Variants in ZNF438 observed in about 807,000 individuals in gnomAD.
ZNF438 encodes the protein zinc finger protein 438.
Under a neutral mutation model 38.0 loss-of-function variants are expected in ZNF438, and 25 were observed. The ratio of observed to expected loss-of-function variants is 0.66; its 90% CI spans 0.48 to 0.92. The LOEUF is 0.92. ZNF438 is among the 40% of genes least tolerant of loss of function. ZNF438 has a pLI of 0.00. For synonymous variants in ZNF438, 372 were observed against 364.1 expected (o/e 1.02, Z -0.25); for missense variants, 1,007 against 999.6 (o/e 1.01, Z -0.10).
intron 3 of ZNF438, among the ~76,000 whole-genome samples, chr10:30,896,295 CAAAAA>C (rs56673889): frequency 0.74 from 78,816 of 106,648 alleles, 26,781 homozygotes; most frequent in African/African-American, 0.82. Flanking sequence ...GACTCCATCT[CAAAAA>C]AAAAAAAAAA....
intron 2 of ZNF438, among the ~76,000 whole-genome samples, chr10:30,923,712 T>C (rs2044591314): frequency 6.6e-6 from 1 of 152,210 alleles, no homozygotes; most frequent in Non-Finnish European, 1.5e-5. Context: ...GCTTAACTAC[T>C]ATGGTTTTAT....
intron 2 of ZNF438, among the ~76,000 whole-genome samples, chr10:30,922,811 G>A (rs1010626976): frequency 7.9e-5 from 12 of 151,574 alleles, no homozygotes; most frequent in Non-Finnish European, 1.8e-4. Context: ...CTCCAGCCTG[G>A]GCAACAAGAG....
At chr10:31,031,604 G>A (rs1375777664) in intron 1 of ZNF438, among the ~76,000 whole-genome samples, 1 of 152,116 alleles carries the variant, frequency 6.6e-6, no homozygotes, top group African/African-American at 2.4e-5. Flanking sequence ...CCCCGCCCCA[G>A]GGGAAAAGGT....
chr10:30,855,814 C>A (rs1235644953), intron 4 of ZNF438, among the ~76,000 whole-genome samples: 1 of 152,152 alleles, frequency 6.6e-6, no homozygotes, highest in Non-Finnish European at 1.5e-5. Flanking sequence ...AAGATACACA[C>A]ACAAATATAT....
At chr10:30,897,868 A>G (rs1469207407) in intron 3 of ZNF438, among the ~76,000 whole-genome samples, 1 of 152,204 alleles carries the variant, frequency 6.6e-6, no homozygotes, top group African/African-American at 2.4e-5. Context: ...AACCGCTGAC[A>G]GAGATTGTTC....
intron 1 of ZNF438, among the ~76,000 whole-genome samples, chr10:31,018,021 A>G (rs2133225009): frequency 6.6e-6 from 1 of 152,368 alleles, no homozygotes; most frequent in East Asian, 1.9e-4. Context: ...GAGATTTTGT[A>G]TGTATAACTG....
chr10:30,884,689 G>T (rs995847516), intron 3 of ZNF438, among the ~76,000 whole-genome samples: 1 of 152,266 alleles, frequency 6.6e-6, no homozygotes, highest in African/African-American at 2.4e-5. Context: ...CCAGTTACAT[G>T]ATTACTTTTT....
rs879587377 is a variant in ZNF438, at chr10:31,000,787, A to C, written c.-192+31046T>G. ...TAGAAAAGCATGCAAAAAAAAAAAA[A>C]ACTTTTCTTGTGTTTCCTTGTTATA... is the stretch of plus-strand genomic sequence containing the variant. On this transcript the variant is annotated intron_variant, in intron 1 of 5. Transcript: ENST00000413025. Among the ~76,000 whole-genome samples, 53 of 152,122 alleles carry C rather than the reference A, an allele frequency of 3.5e-4. 1 individual carries two copies. The highest frequency in any genetic ancestry group is 2.6e-3 in the Admixed American group (40 of 15,266).
At chr10:30,848,455 C>A (rs561990153) in intron 5 of ZNF438, 76 bp downstream of exon 6, 37 of 1,505,010 alleles carry the variant, frequency 2.5e-5, no homozygotes, top group Non-Finnish European at 3.3e-5. Context: ...ACTCTCCTTT[C>A]TGAATATGAA....
intron 1 of ZNF438, among the ~76,000 whole-genome samples, chr10:30,995,607 C>T (rs756441808): frequency 6.6e-6 from 1 of 152,126 alleles, no homozygotes; most frequent in African/African-American, 2.4e-5. Context: ...TTGCAAAAGA[C>T]ACTGTAATTG....
At chr10:30,928,549 A>T (rs2045235460) in intron 2 of ZNF438, among the ~76,000 whole-genome samples, 1 of 151,028 alleles carries the variant, frequency 6.6e-6, no homozygotes, top group Non-Finnish European at 1.5e-5. Context: ...ACTTCAAATC[A>T]CAACGTTTGG....
intron 3 of ZNF438, among the ~76,000 whole-genome samples, chr10:30,899,824 A>C (rs2041779499): frequency 6.6e-6 from 1 of 152,196 alleles, no homozygotes; most frequent in South Asian, 2.1e-4. Flanking sequence ...AGTTTCAAGA[A>C]AATTTTAACC....
intron 4 of ZNF438, among the ~76,000 whole-genome samples, chr10:30,873,462 C>G (rs966045586): frequency 1.3e-5 from 2 of 152,306 alleles, no homozygotes; most frequent in African/African-American, 4.8e-5. Context: ...CTCTTCCTAG[C>G]TTTAAACCCC....
intron 1 of ZNF438, among the ~76,000 whole-genome samples, chr10:30,956,921 T>C (rs901621326): frequency 1.3e-5 from 2 of 152,172 alleles, no homozygotes; most frequent in Non-Finnish European, 2.9e-5. Flanking sequence ...AGTGAAACTG[T>C]TAGATCATAT....
At chr10:30,848,462 T>G in intron 5 of ZNF438, 69 bp downstream of exon 6, 9 of 1,520,900 alleles carry the variant, frequency 5.9e-6, no homozygotes, top group South Asian at 1.3e-5. Context: ...TTTCTGAATA[T>G]GAAATCTTCC....
chr10:30,948,232 C>G (rs4620620), intron 1 of ZNF438, among the ~76,000 whole-genome samples: 3 of 151,912 alleles, frequency 2.0e-5, no homozygotes, highest in Non-Finnish European at 4.4e-5. Flanking sequence ...AAGACATCCC[C>G]ACCAAAAACC....
intron 1 of ZNF438, among the ~76,000 whole-genome samples, chr10:30,972,162 G>T (rs1267799758): frequency 6.6e-6 from 1 of 151,964 alleles, no homozygotes; most frequent in South Asian, 2.1e-4. Context: ...GTAGATACGG[G>T]GTTTCACCTT....
exon 5 of ZNF438, chr10:30,850,199 T>C: frequency 6.2e-7 from 1 of 1,613,834 alleles, no homozygotes; most frequent in South Asian, 1.1e-5. Context: ...CAGCTTGGAG[T>C]TGATGGAGGG....
intron 1 of ZNF438, among the ~76,000 whole-genome samples, chr10:30,988,569 A>G (rs2053116780): frequency 6.6e-6 from 1 of 152,122 alleles, no homozygotes; most frequent in Admixed American, 6.6e-5. Flanking sequence ...AATTATAGCT[A>G]AGAAACTAAA....
Sources: allele counts gnomAD v4.1 joint callset (sites outside exome capture counted in the v4.1 genomes callset), GRCh38; gene constraint gnomAD v4.1.1; transcripts MANE v1.5; gene names NCBI Gene and HGNC (gene_info 2026-07-23, HGNC 2026-07-21).